Variants in OR9Q1 observed in about 807,000 individuals in gnomAD.
The protein encoded by OR9Q1 is olfactory receptor family 9 subfamily Q member 1.
For missense variants in OR9Q1, 374 were observed against 378.8 expected, an observed-to-expected ratio of 0.99 and a Z score of 0.11; for synonymous variants, 153 against 148.6, an observed-to-expected ratio of 1.03 and a Z score of -0.22.
At chr11:58,071,921 TAGG>T (rs947395974) in intron 2 of OR9Q1, among the ~76,000 whole-genome samples, 13 of 151,998 alleles carry the variant, frequency 8.6e-5, no homozygotes, top group Non-Finnish European at 1.2e-4. Flanking sequence ...GGGTGGAGGG[TAGG>T]AGGAGGGAGA....
intron 2 of OR9Q1, among the ~76,000 whole-genome samples, chr11:58,114,042 A>G (rs1853927360): frequency 6.6e-6 from 1 of 152,116 alleles, no homozygotes; most frequent in African/African-American, 2.4e-5. Flanking sequence ...CAAAAAATGC[A>G]ATCACCAAAT....
At chr11:58,093,350 G>T (rs975372791) in intron 2 of OR9Q1, among the ~76,000 whole-genome samples, 2 of 152,094 alleles carry the variant, frequency 1.3e-5, no homozygotes, top group African/African-American at 4.8e-5. Context: ...CCATTAAAAA[G>T]TGGGCTAAAA....
intron 2 of OR9Q1, chr11:58,078,196 C>T (rs1853557355): frequency 6.6e-6 from 1 of 152,190 alleles, no homozygotes; most frequent in African/African-American, 2.4e-5. Context: ...CAACAAATCC[C>T]CACCAAAAAA....
At chr11:58,039,308 A>G (rs1358029728) in intron 1 of OR9Q1, among the ~76,000 whole-genome samples, 1 of 152,174 alleles carries the variant, frequency 6.6e-6, no homozygotes. Context: ...TCTTCTTCAT[A>G]TCCTTGCTTT....
intron 2 of OR9Q1, among the ~76,000 whole-genome samples, chr11:58,070,956 G>T (rs1032206878): frequency 6.6e-6 from 1 of 152,202 alleles, no homozygotes; most frequent in African/African-American, 2.4e-5. Context: ...GGCTGACGCT[G>T]GCCTAGAAGT....
chr11:58,038,252 G>A (rs151062752), intron 1 of OR9Q1, among the ~76,000 whole-genome samples: 5 of 152,250 alleles, frequency 3.3e-5, no homozygotes, highest in South Asian at 4.1e-4. Flanking sequence ...AATTTGAGGT[G>A]CATGATATGT....
chr11:58,041,937 G>A (rs918181697), intron 1 of OR9Q1, among the ~76,000 whole-genome samples: 9 of 152,158 alleles, frequency 5.9e-5, no homozygotes, highest in Admixed American at 4.6e-4. Context: ...AACCACCTAT[G>A]GAAGCTCCAA....
intron 2 of OR9Q1, among the ~76,000 whole-genome samples, chr11:58,107,266 C>T (rs1453090249): frequency 3.9e-5 from 6 of 152,086 alleles, no homozygotes; most frequent in Non-Finnish European, 8.8e-5. Context: ...TTCCCCATAC[C>T]CCCACCCAAT....
chr11:58,111,232 G>T (rs946370908), intron 2 of OR9Q1, among the ~76,000 whole-genome samples: 12 of 152,164 alleles, frequency 7.9e-5, no homozygotes, highest in South Asian at 2.1e-4. Flanking sequence ...GCCTAATGGA[G>T]GTGGGTCTAA....
chr11:58,169,245 T>G (rs989858264), intron 2 of OR9Q1, among the ~76,000 whole-genome samples: 7 of 152,186 alleles, frequency 4.6e-5, no homozygotes, highest in African/African-American at 1.2e-4. Context: ...TAATGGATTC[T>G]TTTAATCCTT....
chr11:58,112,059 A>AGGTG (rs1353529164), intron 2 of OR9Q1, among the ~76,000 whole-genome samples: 2 of 152,108 alleles, frequency 1.3e-5, no homozygotes, highest in Admixed American at 1.3e-4. Context: ...AGGCAGAGGC[A>AGGTG]GGTGGATCAC....
chr11:58,037,933 A>C (rs1259626468), intron 1 of OR9Q1, among the ~76,000 whole-genome samples: 1 of 141,616 alleles, frequency 7.1e-6, no homozygotes, highest in Non-Finnish European at 1.5e-5. Context: ...GGGTTTTACC[A>C]TGTTAGCCAG....
intron 1 of OR9Q1, among the ~76,000 whole-genome samples, chr11:58,035,069 A>G (rs1269148510): frequency 6.6e-6 from 1 of 151,948 alleles, no homozygotes; most frequent in Non-Finnish European, 1.5e-5. Flanking sequence ...GGCTCAAGCG[A>G]TCTGCCACCT....
chr11:58,042,401 G>T (rs1053369207), intron 1 of OR9Q1, among the ~76,000 whole-genome samples: 4 of 151,870 alleles, frequency 2.6e-5, no homozygotes, highest in Admixed American at 2.6e-4. Context: ...ATTAAATAGG[G>T]AATCCTTTCC....
intron 2 of OR9Q1, among the ~76,000 whole-genome samples, chr11:58,122,049 C>T (rs1452182396): frequency 1.3e-5 from 2 of 152,106 alleles, no homozygotes; most frequent in African/African-American, 2.4e-5. Context: ...CACCTAAGGT[C>T]TAATTCCACT....
At chr11:58,148,034 C>G (rs1854315696) in intron 2 of OR9Q1, among the ~76,000 whole-genome samples, 1 of 152,076 alleles carries the variant, frequency 6.6e-6, no homozygotes, top group Non-Finnish European at 1.5e-5. Context: ...AATTTACCAA[C>G]AATGATATTG....
intron 2 of OR9Q1, among the ~76,000 whole-genome samples, chr11:58,083,734 G>C (rs929397882): frequency 1.3e-5 from 2 of 151,790 alleles, no homozygotes; most frequent in Non-Finnish European, 2.9e-5. Flanking sequence ...CTCATTGCTT[G>C]TTTCTGTCGA....
chr11:58,061,933 G>T (rs1047664553), intron 2 of OR9Q1, among the ~76,000 whole-genome samples: 3 of 152,174 alleles, frequency 2.0e-5, no homozygotes, highest in Non-Finnish European at 4.4e-5. Flanking sequence ...ATACTAATAT[G>T]AGCAAAACCT....
intron 2 of OR9Q1, among the ~76,000 whole-genome samples, chr11:58,129,298 T>C (rs1273529928): frequency 6.6e-6 from 1 of 151,834 alleles, no homozygotes; most frequent in Non-Finnish European, 1.5e-5. Flanking sequence ...GCACTACCTC[T>C]CCTGGTGTCC....
Sources: gnomAD v4.1 joint callset for allele counts (sites outside exome capture counted in the v4.1 genomes callset) on GRCh38, gnomAD v4.1.1 for gene constraint, MANE v1.5 for transcripts, NCBI Gene and HGNC (gene_info 2026-07-23, HGNC 2026-07-21) for gene names.